PTK2B: variants seen among roughly 807,000 people sequenced by gnomAD.
PTK2B encodes the protein protein tyrosine kinase 2 beta, also known as protein-tyrosine kinase 2-beta.
In PTK2B, 71 loss-of-function variants were observed where a neutral mutation model predicts 142.9. The observed-to-expected ratio is 0.50, with a 90% confidence interval of 0.41 to 0.61. The LOEUF (loss-of-function observed/expected upper bound fraction) is 0.61. Among genes scored for constraint, PTK2B ranks in the 20% least tolerant of loss-of-function variants. The probability of loss-of-function intolerance (pLI) is 0.00; values close to 1 mark genes in which losing one functional copy is unlikely to be tolerated. For missense variants in PTK2B, 1,105 were observed against 1,320.4 expected (o/e 0.84, Z 2.53); for synonymous variants, 519 against 503.4 (o/e 1.03, Z -0.42).
chr8:27,433,121 C>G (rs1810544104), intron 10 of PTK2B, among the ~76,000 whole-genome samples: 1 of 152,228 alleles, frequency 6.6e-6, no homozygotes, highest in South Asian at 2.1e-4. Context: ...GCCACTGTGC[C>G]CAGCCCCCTC....
chr8:27,343,211 G>T (rs1400415197), intron 1 of PTK2B, among the ~76,000 whole-genome samples: 1 of 152,140 alleles, frequency 6.6e-6, no homozygotes, highest in Non-Finnish European at 1.5e-5. Flanking sequence ...TTGTTTGTTT[G>T]TTGTTTGTTT....
chr8:27,404,524 C>T (rs1011213185), intron 2 of PTK2B, among the ~76,000 whole-genome samples: 4 of 152,158 alleles, frequency 2.6e-5, no homozygotes, highest in African/African-American at 9.7e-5. Context: ...ATGCATCCCT[C>T]CCACCCGCAG....
intron 2 of PTK2B, among the ~76,000 whole-genome samples, chr8:27,416,753 C>A (rs751716563): frequency 4.6e-5 from 7 of 152,118 alleles, no homozygotes; most frequent in African/African-American, 7.2e-5. Flanking sequence ...AAGCCTCCTA[C>A]AACTCTCCTG....
intron 1 of PTK2B, among the ~76,000 whole-genome samples, chr8:27,338,618 C>G (rs550013630): frequency 6.6e-6 from 1 of 152,124 alleles, no homozygotes. Context: ...TTCATAAAAA[C>G]CAATTCTTTT....
Position 27,433,422 on chromosome 8 carries a change from C to G in PTK2B, c.988-13C>G, listed in dbSNP as rs772390639. 3 of 1,609,672 alleles carry G rather than the reference C, an allele frequency of 1.9e-6. No individual in the cohort carries two copies. Among genetic ancestry groups the G allele is most frequent in the East Asian group, 4.5e-5 (2 of 44,842 alleles). On this transcript the variant is annotated splice_polypyrimidine_tract_variant and intron_variant, in intron 10 of 30. Transcript: ENST00000346049. ...CTCTGGGGTCTCACCCTTGGCTGGT[C>G]TCTGCTCCGCAGGCCTTGTCCATCA... is the stretch of plus-strand genomic sequence containing the variant.
In PTK2B at chr8:27,458,439, C is replaced by T; in HGVS notation, c.2960C>T (p.Ala987Val). 6.2e-7 allele frequency: 1 copy of T among 1,609,684 alleles called. No homozygotes were observed. Among genetic ancestry groups the T allele is most frequent in the Non-Finnish European group, 8.5e-7 (1 of 1,177,996 alleles). Residue 987 changes from alanine to valine, a missense_variant, in exon 31 of 31, where the codon GCC becomes GTC. Coordinates refer to ENST00000346049, the MANE Select transcript of PTK2B (RefSeq NM_173176.3). ...LTASHTLAVDAKNLLDAVDQA... is the reference protein window; with the variant it reads ...LTASHTLAVDVKNLLDAVDQA... ...GCTTCACACACCCTGGCTGTGGACG[C>T]CAAGAACCTGCTCGACGCTGTGGAC...
At chr8:27,445,648 G>A (rs1006531898) in intron 23 of PTK2B, 146 bp from the exon 24 acceptor site, 39 of 1,184,882 alleles carry the variant, frequency 3.3e-5, no homozygotes, top group African/African-American at 2.1e-4. Flanking sequence ...GAAGGCCCAC[G>A]TTTTGTTCTT....
intron 24 of PTK2B, among the ~76,000 whole-genome samples, chr8:27,448,419 C>A (rs993676879): frequency 3.9e-5 from 6 of 152,212 alleles, no homozygotes; most frequent in African/African-American, 1.4e-4. Context: ...CGCATTTCAG[C>A]AAAACCAACC....
At chr8:27,435,437 T>C (rs1810710461) in intron 13 of PTK2B, among the ~76,000 whole-genome samples, 1 of 152,266 alleles carries the variant, frequency 6.6e-6, no homozygotes, top group Non-Finnish European at 1.5e-5. Flanking sequence ...CAACAGGTAT[T>C]ATTTGATTCA....
At chr8:27,373,134 G>A (rs1413133605) in intron 1 of PTK2B, among the ~76,000 whole-genome samples, 2 of 152,072 alleles carry the variant, frequency 1.3e-5, no homozygotes, top group Admixed American at 1.3e-4. Context: ...TACCACTGCT[G>A]CTGCTTTTGG....
chr8:27,453,298 A>C, intron 28 of PTK2B, 138 bp downstream of exon 28: 2 of 1,062,156 alleles, frequency 1.9e-6, no homozygotes, highest in Non-Finnish European at 2.7e-6. Flanking sequence ...GCCCGGGGTT[A>C]GGGGGCGGGT....
At chr8:27,435,862 T>G in intron 14 of PTK2B, 69 bp downstream of exon 14, 2 of 1,527,534 alleles carry the variant, frequency 1.3e-6, no homozygotes, top group Non-Finnish European at 1.8e-6. Context: ...AGGACTCTGG[T>G]GACACCACAG....
intron 2 of PTK2B, among the ~76,000 whole-genome samples, chr8:27,412,083 A>G (rs1404477779): frequency 6.6e-6 from 1 of 152,228 alleles, no homozygotes; most frequent in Non-Finnish European, 1.5e-5. Flanking sequence ...ACACACCAAC[A>G]AGATGTGCAT....
chr8:27,401,408 A>G (rs1808379335), intron 2 of PTK2B, among the ~76,000 whole-genome samples: 1 of 152,228 alleles, frequency 6.6e-6, no homozygotes, highest in Admixed American at 6.5e-5. Context: ...AGGTGCCAGG[A>G]ATCATCTTTG....
At chr8:27,426,071 C>A (rs186881863) in intron 5 of PTK2B, among the ~76,000 whole-genome samples, 151 of 151,428 alleles carry the variant, frequency 1.0e-3, no homozygotes, top group African/African-American at 3.2e-3. Flanking sequence ...AGCCCTAAAA[C>A]AACAGCAACA....
chr8:27,327,793 C>T (rs142593986), intron 1 of PTK2B, among the ~76,000 whole-genome samples: 28 of 152,320 alleles, frequency 1.8e-4, no homozygotes, highest in Middle Eastern at 3.4e-3. Context: ...CTTCTCTGAC[C>T]CTCAGAATCC....
chr8:27,431,111 G>T, intron 8 of PTK2B, 95 bp downstream of exon 8: 1 of 1,527,686 alleles, frequency 6.5e-7, no homozygotes, highest in South Asian at 1.2e-5. Flanking sequence ...TGCAATCGCT[G>T]CAGATTCTCA....
intron 24 of PTK2B, 29 bp downstream of exon 24, chr8:27,445,948 C>G: frequency 6.2e-7 from 1 of 1,611,226 alleles, no homozygotes; most frequent in Non-Finnish European, 8.5e-7. Context: ...CTGGTCCCTG[C>G]CCGGACTGAG....
In PTK2B at chr8:27,451,046, C is replaced by A. The variant is rs1287011109; in HGVS notation, c.2491C>A (p.Pro831Thr). The stretch of plus-strand genomic sequence containing the variant: ...GCTCTTGTTTCTTCCTCTGCAGGAC[C>A]CCATGGTTTATATGAATGATAAGTC... ...WLRQEEKSLD[P>T]MVYMNDKSPL... is the part of the protein sequence containing the mutation. Residue 831 changes from proline (P) to threonine (T), a missense_variant, in exon 26 of 31, where the codon CCC becomes ACC. Physicochemically the swap from Pro to Thr is conservative, Grantham distance 38 (BLOSUM62 -1). Transcript: ENST00000346049. The A allele has an allele frequency of 6.2e-7, 1 of 1,612,664 alleles. No individual in the cohort carries two copies. The highest frequency in any genetic ancestry group is 1.1e-5 in the South Asian group (1 of 91,044).
Sources: gnomAD v4.1 joint callset for allele counts (sites outside exome capture counted in the v4.1 genomes callset) on GRCh38, gnomAD v4.1.1 for gene constraint, MANE v1.5 for transcripts, NCBI Gene and HGNC (gene_info 2026-07-23, HGNC 2026-07-21) for gene names.